The following EIF2B3 variants were observed in gnomAD, a reference collection of about 807,000 sequenced individuals.
The protein encoded by EIF2B3 is eukaryotic translation initiation factor 2B subunit gamma, also known as translation initiation factor eIF2B subunit gamma.
EIF2B3 carries 20 observed loss-of-function variants against 54.1 expected under a neutral mutation model. The observed-to-expected ratio is 0.37, with a 90% confidence interval of 0.26 to 0.54. The LOEUF is 0.54. Ranked by LOEUF, EIF2B3 falls within the 20% of genes least tolerant of loss-of-function variation. The pLI, the probability that EIF2B3 is intolerant of heterozygous loss-of-function variation, is 0.86. For missense variants in EIF2B3, 448 were observed against 547.8 expected (o/e 0.82, Z 1.82); for synonymous variants, 153 against 188.1 (o/e 0.81, Z 1.52).
At chr1:44,951,261 G>T (rs919037557) in intron 3 of EIF2B3, among the ~76,000 whole-genome samples, 1 of 152,036 alleles carries the variant, frequency 6.6e-6, no homozygotes, top group Non-Finnish European at 1.5e-5. Flanking sequence ...ATATGGCCAG[G>T]CATTATAGAG....
At chr1:44,936,094 C>G (rs1334160538) in intron 4 of EIF2B3, among the ~76,000 whole-genome samples, 1 of 151,786 alleles carries the variant, frequency 6.6e-6, no homozygotes, top group Admixed American at 6.6e-5. Flanking sequence ...ATAATGGTAT[C>G]TACTGATGAA....
intron 6 of EIF2B3, among the ~76,000 whole-genome samples, chr1:44,894,676 G>A (rs1655906571): frequency 6.6e-6 from 1 of 152,092 alleles, no homozygotes; most frequent in African/African-American, 2.4e-5. Context: ...TGCTACAACA[G>A]TCCTTTCTTG....
intron 5 of EIF2B3, among the ~76,000 whole-genome samples, chr1:44,900,468 AG>A (rs1643262303): frequency 6.7e-6 from 1 of 149,726 alleles, no homozygotes; most frequent in African/African-American, 2.5e-5. Context: ...AAAAAAAAAA[AG>A]GGAACAACAG....
intron 3 of EIF2B3, among the ~76,000 whole-genome samples, chr1:44,966,527 A>G (rs554880682): frequency 3.9e-4 from 59 of 152,112 alleles, no homozygotes; most frequent in Admixed American, 1.2e-3. Flanking sequence ...GACAAAGACA[A>G]TCCAAGAGCA....
In EIF2B3 at chr1:44,920,086, G is replaced by A. The variant is rs1643709470; in HGVS notation, c.566+6542C>T. Among the ~76,000 whole-genome samples the A allele has an allele frequency of 3.3e-5, 5 of 149,902 alleles. No individual in the cohort carries two copies. The South Asian group carries it at 1.1e-3, about 32-fold the overall frequency. ...GTCTCCCTCTGTCGTTCAGGCTGGA[G>A]TGCAATGATGCGATCTAGGCTCACT... On this transcript the variant is annotated intron_variant, in intron 5 of 11. Transcript: ENST00000360403.
intron 4 of EIF2B3, among the ~76,000 whole-genome samples, chr1:44,935,192 A>G (rs1643934291): frequency 1.3e-5 from 2 of 152,258 alleles, no homozygotes; most frequent in African/African-American, 4.8e-5. Flanking sequence ...GTGGGACTAT[A>G]GAGACAATAG....
chr1:44,980,988 T>C (rs1272713777), intron 2 of EIF2B3, 33 bp downstream of exon 2: 1 of 1,613,564 alleles, frequency 6.2e-7, no homozygotes, highest in Non-Finnish European at 8.5e-7. Flanking sequence ...CTAAAAGTTT[T>C]ATGAGTTCAC....
At chr1:44,911,633 C>T (rs531499139) in intron 5 of EIF2B3, among the ~76,000 whole-genome samples, 2 of 152,334 alleles carry the variant, frequency 1.3e-5, no homozygotes, top group South Asian at 4.1e-4. Flanking sequence ...AAACAGAAAA[C>T]AACCTCCACC....
chr1:44,852,810 T>C (rs1430293650), intron 11 of EIF2B3, among the ~76,000 whole-genome samples: 1 of 148,454 alleles, frequency 6.7e-6, no homozygotes, highest in Non-Finnish European at 1.5e-5. Context: ...ACCAAGAACA[T>C]TGAGAGGAGA....
chr1:44,917,755 CTTTTTTTTTTTTTTTTTTTTTT>C (rs869139321), intron 5 of EIF2B3, among the ~76,000 whole-genome samples: 30 of 44,242 alleles, frequency 6.8e-4, no homozygotes, highest in Admixed American at 3.5e-3. Flanking sequence ...CAATAACACT[CTTTTTTTTTTTTTTTTTTTTTT>C]TTTTTTTTTT....
At chr1:44,942,377 T>TATATATATATA (rs1553177309) in intron 3 of EIF2B3, among the ~76,000 whole-genome samples, 1 of 21,586 alleles carries the variant, frequency 4.6e-5, no homozygotes, top group Non-Finnish European at 7.1e-5. Flanking sequence ...CTTTCTGATT[T>TATATATATATA]TATATATATA....
chr1:44,920,570 CCTT>C (rs1373864728), intron 5 of EIF2B3, among the ~76,000 whole-genome samples: 1 of 152,166 alleles, frequency 6.6e-6, no homozygotes, highest in Admixed American at 6.5e-5. Context: ...TGGTAATCAT[CCTT>C]CTACTCTCTA....
At chr1:44,852,023 A>G (rs1266878892) in intron 11 of EIF2B3, among the ~76,000 whole-genome samples, 1 of 149,338 alleles carries the variant, frequency 6.7e-6, no homozygotes, top group African/African-American at 2.5e-5. Context: ...ATCTTGGCTC[A>G]CTGCAACCTC....
chr1:44,936,503 AT>A (rs1557693760), intron 4 of EIF2B3, among the ~76,000 whole-genome samples: 1 of 152,022 alleles, frequency 6.6e-6, no homozygotes, highest in Non-Finnish European at 1.5e-5. Context: ...AGGCAGGAGA[AT>A]TGCTTGAACC....
intron 10 of EIF2B3, among the ~76,000 whole-genome samples, chr1:44,867,911 G>A (rs1048065432): frequency 3.3e-5 from 5 of 149,524 alleles, no homozygotes; most frequent in African/African-American, 1.2e-4. Context: ...AGTGGCACAC[G>A]CCCATAGTCC....
chr1:44,970,215 A>G (rs1644386051), intron 3 of EIF2B3, among the ~76,000 whole-genome samples: 1 of 152,234 alleles, frequency 6.6e-6, no homozygotes, highest in Admixed American at 6.5e-5. Flanking sequence ...CTATAAGCAC[A>G]TGTGATGGAG....
chr1:44,911,281 A>G (rs1227353704), intron 5 of EIF2B3, among the ~76,000 whole-genome samples: 2 of 152,138 alleles, frequency 1.3e-5, no homozygotes, highest in African/African-American at 4.8e-5. Flanking sequence ...TTTTATAACT[A>G]CACACCAAAG....
intron 8 of EIF2B3, among the ~76,000 whole-genome samples, chr1:44,877,201 A>AAAAAC (rs1655201088): frequency 1.4e-5 from 2 of 144,184 alleles, no homozygotes; most frequent in East Asian, 2.0e-4. Context: ...ATAAAAAAAA[A>AAAAAC]AAAAAAAAAA....
At chr1:44,853,088 A>C (rs1654325954) in intron 11 of EIF2B3, among the ~76,000 whole-genome samples, 1 of 152,112 alleles carries the variant, frequency 6.6e-6, no homozygotes, top group Non-Finnish European at 1.5e-5. Flanking sequence ...CACAGGCTAA[A>C]GCTCTTAATA....
Sources: allele counts gnomAD v4.1 joint callset (sites outside exome capture counted in the v4.1 genomes callset), GRCh38; gene constraint gnomAD v4.1.1; transcripts MANE v1.5; gene names NCBI Gene and HGNC (gene_info 2026-07-23, HGNC 2026-07-21).